The following METTL15 variants were observed in gnomAD, a reference collection of about 807,000 sequenced individuals.
METTL15 encodes the protein methyltransferase 15, mitochondrial 12S rRNA N4-cytidine.
A neutral mutation model predicts 38.3 loss-of-function variants in METTL15; 34 were observed. That is an observed-to-expected ratio of 0.89 (90% CI 0.68 to 1.18). The LOEUF (loss-of-function observed/expected upper bound fraction) is 1.18, where lower values mean the gene tolerates loss of function less well. Among genes scored for constraint, METTL15 ranks in the 50% most tolerant of loss-of-function variants. The pLI is 0.00. For synonymous variants in METTL15, 162 were observed against 170.9 expected (o/e 0.95, Z 0.41); for missense variants, 438 against 498.4 (o/e 0.88, Z 1.15).
chr11:28,380,668 G>T (rs530039919), intron 5 of METTL15, among the ~76,000 whole-genome samples: 11 of 152,112 alleles, frequency 7.2e-5, no homozygotes, highest in South Asian at 6.2e-4. Flanking sequence ...TTGTAATTGT[G>T]ATCAGGCTTA....
chr11:28,113,695 G>T, intron 3 of METTL15, 91 bp downstream of exon 3: 1 of 1,389,120 alleles, frequency 7.2e-7, no homozygotes, highest in Non-Finnish European at 9.8e-7. Context: ...CAATTCAGTG[G>T]CCTTTAGTAT....
At chr11:28,434,679 A>G (rs76963897) in intron 6 of METTL15, among the ~76,000 whole-genome samples, 2,682 of 152,320 alleles carry the variant, frequency 0.018, 51 homozygotes, top group African/African-American at 0.051. Flanking sequence ...TTGCTGTGTG[A>G]CATAAACTTA....
chr11:28,175,064 A>T (rs1851011945), intron 3 of METTL15, among the ~76,000 whole-genome samples: 1 of 152,024 alleles, frequency 6.6e-6, no homozygotes, highest in African/African-American at 2.4e-5. Context: ...ATCATTTAAC[A>T]TTAGGTAAAT....
intron 6 of METTL15, among the ~76,000 whole-genome samples, chr11:28,491,789 C>T (rs1455151275): frequency 6.6e-6 from 1 of 152,046 alleles, no homozygotes; most frequent in Non-Finnish European, 1.5e-5. Context: ...TAAATATGTC[C>T]TATTTTGGCC....
intron 5 of METTL15, among the ~76,000 whole-genome samples, chr11:28,386,082 G>A (rs375459620): frequency 6.6e-6 from 1 of 151,806 alleles, no homozygotes; most frequent in East Asian, 1.9e-4. Context: ...TAATCTCCAT[G>A]GTGACCACAA....
intron 6 of METTL15, among the ~76,000 whole-genome samples, chr11:28,447,484 G>A (rs764886544): frequency 1.3e-5 from 2 of 152,118 alleles, no homozygotes; most frequent in Non-Finnish European, 1.5e-5. Flanking sequence ...TGGTGATAAA[G>A]TATTGAATAA....
intron 6 of METTL15, among the ~76,000 whole-genome samples, chr11:28,324,050 C>T (rs1849555564): frequency 6.6e-6 from 1 of 152,172 alleles, no homozygotes; most frequent in African/African-American, 2.4e-5. Context: ...GTTTATTTAA[C>T]ATGAAAACAT....
intron 4 of METTL15, among the ~76,000 whole-genome samples, chr11:28,267,858 TTA>T (rs1176252743): frequency 6.6e-6 from 1 of 152,168 alleles, no homozygotes; most frequent in Non-Finnish European, 1.5e-5. Flanking sequence ...ATGGATGAAT[TTA>T]TATGATATTT....
At chr11:28,372,820 C>A (rs1341272923) in intron 5 of METTL15, among the ~76,000 whole-genome samples, 10 of 130,126 alleles carry the variant, frequency 7.7e-5, no homozygotes, top group Middle Eastern at 9.2e-3. Context: ...CTTCCTGTGT[C>A]CATGTGATCT....
intron 6 of METTL15, among the ~76,000 whole-genome samples, chr11:28,439,969 G>A (rs1393094001): frequency 1.3e-5 from 2 of 152,066 alleles, no homozygotes; most frequent in Non-Finnish European, 2.9e-5. Flanking sequence ...CTGCTCCTAG[G>A]GCTTTTTATT....
chr11:28,378,737 G>T (rs1387747473), intron 5 of METTL15, among the ~76,000 whole-genome samples: 4 of 147,232 alleles, frequency 2.7e-5, no homozygotes, highest in African/African-American at 7.4e-5. Context: ...CTTAGAATGG[G>T]TTTGAAGTAT....
At chr11:28,325,134 C>T (rs1302995609) in intron 6 of METTL15, among the ~76,000 whole-genome samples, 5 of 152,188 alleles carry the variant, frequency 3.3e-5, no homozygotes. Flanking sequence ...GTGGCTGCAC[C>T]TGCACAGTGT....
chr11:28,464,021 G>T (rs1851236982), intron 6 of METTL15, among the ~76,000 whole-genome samples: 1 of 151,860 alleles, frequency 6.6e-6, no homozygotes. Context: ...TATGACCTAG[G>T]GTGATGATTT....
intron 3 of METTL15, among the ~76,000 whole-genome samples, chr11:28,154,847 A>G (rs2133727845): frequency 6.6e-6 from 1 of 152,212 alleles, no homozygotes; most frequent in Non-Finnish European, 1.5e-5. Context: ...CTCACAAAGG[A>G]GTATCTCTCT....
At chr11:28,493,754 T>G (rs1045901706) in intron 6 of METTL15, among the ~76,000 whole-genome samples, 3 of 152,214 alleles carry the variant, frequency 2.0e-5, no homozygotes, top group Admixed American at 6.5e-5. Flanking sequence ...TACTCCAGAC[T>G]TCAACCTTTT....
intron 5 of METTL15, among the ~76,000 whole-genome samples, chr11:28,382,309 G>T (rs1241286862): frequency 6.6e-6 from 1 of 152,150 alleles, no homozygotes; most frequent in Non-Finnish European, 1.5e-5. Flanking sequence ...GGGGATGATA[G>T]TTCTGTGTCC....
At chr11:28,423,696 A>C (rs1231245570) in intron 5 of METTL15, among the ~76,000 whole-genome samples, 1 of 152,084 alleles carries the variant, frequency 6.6e-6, no homozygotes, top group African/African-American at 2.4e-5. Context: ...GATGGTTACC[A>C]TAGGCTGGGA....
At chr11:28,137,286 T>G (rs970637478) in intron 3 of METTL15, among the ~76,000 whole-genome samples, 2 of 152,240 alleles carry the variant, frequency 1.3e-5, no homozygotes, top group Non-Finnish European at 2.9e-5. Context: ...ACTCTTTGTT[T>G]AAACCTTCAG....
chr11:28,513,595 G>T (rs1438433868), intron 6 of METTL15, among the ~76,000 whole-genome samples: 3 of 152,034 alleles, frequency 2.0e-5, no homozygotes. Flanking sequence ...GGAAATCAGG[G>T]GTCTCACAGC....
Sources: gnomAD v4.1 joint callset for allele counts (sites outside exome capture counted in the v4.1 genomes callset) on GRCh38, gnomAD v4.1.1 for gene constraint, MANE v1.5 for transcripts, NCBI Gene and HGNC (gene_info 2026-07-23, HGNC 2026-07-21) for gene names.